The following DNM3 variants were observed in gnomAD, a reference collection of about 807,000 sequenced individuals.
The protein encoded by DNM3 is dynamin-3.
DNM3 carries 47 observed loss-of-function variants against 101.6 expected under a neutral mutation model. The ratio of observed to expected loss-of-function variants is 0.46; its 90% CI spans 0.37 to 0.59. DNM3 has a LOEUF of 0.59. Among genes scored for constraint, DNM3 ranks in the 20% least tolerant of loss-of-function variants. The pLI, the probability that DNM3 is intolerant of heterozygous loss-of-function variation, is 0.00. For synonymous variants in DNM3, 385 were observed against 387.9 expected, an observed-to-expected ratio of 0.99 and a Z score of 0.09; for missense variants, 849 against 1,085.7, an observed-to-expected ratio of 0.78 and a Z score of 3.06.
chr1:171,947,375 G>A (rs1361907588), intron 2 of DNM3, among the ~76,000 whole-genome samples: 5 of 152,126 alleles, frequency 3.3e-5, no homozygotes, highest in Admixed American at 3.3e-4. Context: ...CTTACAGCAT[G>A]TATGTATGTT....
intron 4 of DNM3, among the ~76,000 whole-genome samples, chr1:172,009,725 A>C (rs1329464959): frequency 6.7e-6 from 1 of 149,724 alleles, no homozygotes; most frequent in South Asian, 2.1e-4. Context: ...TTTTTTTTTC[A>C]TTTATTTCAG....
intron 1 of DNM3, among the ~76,000 whole-genome samples, chr1:171,846,715 C>T (rs4916401): frequency 0.73 from 111,640 of 152,118 alleles, 41,418 homozygotes; most frequent in African/African-American, 0.85. Context: ...TAATTTTCTG[C>T]ATGGCCAAAG....
chr1:171,944,655 T>A (rs2042039207), intron 2 of DNM3, among the ~76,000 whole-genome samples: 1 of 151,980 alleles, frequency 6.6e-6, no homozygotes. Context: ...ATTACAGGTG[T>A]GAGCCACCAT....
At chr1:172,406,763 G>T (rs1164502335) in intron 20 of DNM3, among the ~76,000 whole-genome samples, 1 of 151,626 alleles carries the variant, frequency 6.6e-6, no homozygotes, top group Non-Finnish European at 1.5e-5. Flanking sequence ...CCTGAGAAAG[G>T]ACATTCAATT....
chr1:172,178,376 CATTT>C (rs963167825), intron 14 of DNM3, among the ~76,000 whole-genome samples: 4 of 151,840 alleles, frequency 2.6e-5, no homozygotes, highest in African/African-American at 7.3e-5. Flanking sequence ...GTAATTTATT[CATTT>C]ATTTAAAAAT....
In DNM3 at chr1:171,863,073, A is replaced by G. The variant is rs530594130; in HGVS notation, c.161+21256A>G. Among the ~76,000 whole-genome samples, 5 of 151,272 alleles carry G rather than the reference A, an allele frequency of 3.3e-5. No individual in the cohort carries two copies. The East Asian group carries it at 9.7e-4, about 29-fold the overall frequency. On this transcript the variant is annotated intron_variant, in intron 1 of 20. Coordinates refer to ENST00000627582, the MANE Select transcript of DNM3 (RefSeq NM_015569.5). ...TTTTTTTTTTTTAAAGACAATACAT[A>G]ACATTCAAAGGGGATGCTTTTTTTG...
intron 14 of DNM3, among the ~76,000 whole-genome samples, chr1:172,142,983 C>A (rs914053148): frequency 6.6e-6 from 1 of 151,872 alleles, no homozygotes; most frequent in Non-Finnish European, 1.5e-5. Context: ...GAAAGGATAA[C>A]TTTACTATAT....
At chr1:172,021,218 C>T (rs1254441917) in intron 4 of DNM3, among the ~76,000 whole-genome samples, 1 of 152,214 alleles carries the variant, frequency 6.6e-6, no homozygotes, top group Non-Finnish European at 1.5e-5. Flanking sequence ...TGCCTGTAAT[C>T]TCAATACTTT....
At chr1:172,110,235 A>G (rs918360051) in intron 13 of DNM3, among the ~76,000 whole-genome samples, 1 of 152,212 alleles carries the variant, frequency 6.6e-6, no homozygotes, top group African/African-American at 2.4e-5. Flanking sequence ...TTGCCAAAAC[A>G]TCATTTCATT....
At chr1:171,854,815 C>A (rs192938352) in intron 1 of DNM3, among the ~76,000 whole-genome samples, 2 of 151,884 alleles carry the variant, frequency 1.3e-5, no homozygotes, top group Non-Finnish European at 2.9e-5. Flanking sequence ...GATTCGCCAG[C>A]CTCCACCTCC....
intron 4 of DNM3, among the ~76,000 whole-genome samples, chr1:172,016,334 T>A (rs190758818): frequency 6.6e-6 from 1 of 152,350 alleles, no homozygotes; most frequent in East Asian, 1.9e-4. Flanking sequence ...TTTTGTCAAT[T>A]TTTTCTGCAT....
chr1:171,971,232 A>T (rs1463675329), intron 2 of DNM3, among the ~76,000 whole-genome samples: 1 of 151,754 alleles, frequency 6.6e-6, no homozygotes, highest in Non-Finnish European at 1.5e-5. Flanking sequence ...TTTGTTAATC[A>T]CTTGTTTATA....
intron 10 of DNM3, among the ~76,000 whole-genome samples, chr1:172,062,743 C>T (rs2051338784): frequency 6.6e-6 from 1 of 152,154 alleles, no homozygotes; most frequent in Admixed American, 6.5e-5. Flanking sequence ...TCCCATTAAC[C>T]CCTGTACAAC....
intron 18 of DNM3, among the ~76,000 whole-genome samples, chr1:172,381,686 T>G (rs1289626284): frequency 6.6e-6 from 1 of 152,148 alleles, no homozygotes; most frequent in Non-Finnish European, 1.5e-5. Flanking sequence ...GCCATCTAGA[T>G]GTATTGATTT....
At chr1:172,078,345 G>A (rs964201665) in intron 11 of DNM3, among the ~76,000 whole-genome samples, 1 of 152,078 alleles carries the variant, frequency 6.6e-6, no homozygotes, top group African/African-American at 2.4e-5. Context: ...GCCCGCCTTG[G>A]CCTCCCAAAG....
At chr1:172,120,782 T>G (rs1240414815) in intron 13 of DNM3, among the ~76,000 whole-genome samples, 1 of 152,236 alleles carries the variant, frequency 6.6e-6, no homozygotes, top group Non-Finnish European at 1.5e-5. Flanking sequence ...TACATTTATC[T>G]GTGTGAGACT....
chr1:172,381,804 C>A (rs2068922773), intron 18 of DNM3, among the ~76,000 whole-genome samples: 1 of 152,134 alleles, frequency 6.6e-6, no homozygotes, highest in Non-Finnish European at 1.5e-5. Context: ...ATTCACTTAA[C>A]CCTGCTGCAT....
chr1:172,027,617 C>CACACACAGAGAG (rs34981346), intron 4 of DNM3, among the ~76,000 whole-genome samples: 1 of 147,020 alleles, frequency 6.8e-6, no homozygotes, highest in African/African-American at 2.6e-5. Context: ...CACACACACA[C>CACACACAGAGAG]AGAGAGAGAG....
intron 14 of DNM3, among the ~76,000 whole-genome samples, chr1:172,164,552 A>G (rs2058680081): frequency 6.6e-6 from 1 of 152,028 alleles, no homozygotes; most frequent in African/African-American, 2.4e-5. Context: ...GTGGTGAGGC[A>G]TAGGTAGCTT....
Sources: allele counts gnomAD v4.1 joint callset (sites outside exome capture counted in the v4.1 genomes callset), GRCh38; gene constraint gnomAD v4.1.1; transcripts MANE v1.5; gene names NCBI Gene and HGNC (gene_info 2026-07-23, HGNC 2026-07-21).